Variants in PTGER3 observed in about 807,000 individuals in gnomAD.
PTGER3 encodes prostaglandin E receptor 3, also known as prostaglandin E2 receptor EP3 subtype.
A neutral mutation model predicts 34.7 loss-of-function variants in PTGER3; 22 were observed. The ratio of observed to expected loss-of-function variants is 0.63; its 90% CI spans 0.45 to 0.91. PTGER3 has a LOEUF of 0.91. PTGER3 is among the 40% of genes least tolerant of loss of function. The pLI is 0.00. For synonymous variants in PTGER3, 241 were observed against 230.1 expected (o/e 1.05, Z -0.43); for missense variants, 468 against 519.4 (o/e 0.90, Z 0.96).
intron 1 of PTGER3, among the ~76,000 whole-genome samples, chr1:71,036,867 T>C (rs562835971): frequency 1.6e-4 from 24 of 151,896 alleles, no homozygotes; most frequent in Non-Finnish European, 7.4e-5. Flanking sequence ...GAAAGACACA[T>C]TTCTCAGGAG....
chr1:71,009,402 A>T, intron 2 of PTGER3: 1 of 980,450 alleles, frequency 1.0e-6, no homozygotes, highest in Non-Finnish European at 1.2e-6. Context: ...TTTACCTAAA[A>T]TATCTTGGGA....
intron 2 of PTGER3, among the ~76,000 whole-genome samples, chr1:70,965,307 A>G (rs1652398861): frequency 6.6e-6 from 1 of 152,210 alleles, no homozygotes; most frequent in African/African-American, 2.4e-5. Context: ...TATTAACAAA[A>G]CATAACTCTG....
intron 1 of PTGER3, among the ~76,000 whole-genome samples, chr1:71,018,262 T>G (rs1572943902): frequency 1.5e-5 from 1 of 67,224 alleles, no homozygotes; most frequent in East Asian, 3.8e-4. Context: ...CTTCTTTAAA[T>G]TTTTTTACTT....
chr1:70,892,887 C>T (rs1189193224), intron 4 of PTGER3, among the ~76,000 whole-genome samples: 1 of 150,608 alleles, frequency 6.6e-6, no homozygotes, highest in Non-Finnish European at 1.5e-5. Flanking sequence ...ACATTTCTTA[C>T]TTCACCTTCA....
At chr1:71,025,433 T>C (rs1350142968) in intron 1 of PTGER3, among the ~76,000 whole-genome samples, 1 of 152,024 alleles carries the variant, frequency 6.6e-6, no homozygotes, top group African/African-American at 2.4e-5. Flanking sequence ...AACATTTATT[T>C]AAAATATAGC....
At chr1:71,013,501 G>A (rs1037516850) in intron 1 of PTGER3, among the ~76,000 whole-genome samples, 32 of 152,104 alleles carry the variant, frequency 2.1e-4, no homozygotes, top group African/African-American at 7.5e-4. Context: ...TCAGGAGTTC[G>A]AGACCAGCCT....
chr1:70,977,452 T>C (rs3819790), intron 2 of PTGER3, among the ~76,000 whole-genome samples: 1 of 151,828 alleles, frequency 6.6e-6, no homozygotes, highest in African/African-American at 2.4e-5. Flanking sequence ...TCATTAATAG[T>C]TCTTTCTGCT....
At chr1:70,967,734 G>A (rs1200344610), downstream of PTGER3, among the ~76,000 whole-genome samples, 2 of 152,002 alleles carry the variant, frequency 1.3e-5, no homozygotes, top group African/African-American at 4.8e-5. Context: ...CAATTACAAA[G>A]GATGTTGAAA....
chr1:71,047,736 C>T lies in PTGER3; in HGVS notation c.-159G>A. The stretch of plus-strand genomic sequence containing the variant: ...CCGCCGCCCTACTCCGCTGCTGGGA[C>T]CGCGGCCGCGGCGGCGCCAGGGCTC... On this transcript the variant is annotated 5_prime_UTR_variant, in exon 1 of 4. Transcript: ENST00000306666. 1 of 704,866 alleles carries T rather than the reference C, an allele frequency of 1.4e-6. No homozygotes were observed. Among genetic ancestry groups the T allele is most frequent in the Non-Finnish European group, 2.0e-6 (1 of 508,108 alleles). 43.7% of individuals were successfully genotyped at this position (704,866 alleles called of 1,614,324 possible).
At chr1:70,902,899 C>T (rs1272163786) in intron 4 of PTGER3, among the ~76,000 whole-genome samples, 1 of 152,180 alleles carries the variant, frequency 6.6e-6, no homozygotes, top group Non-Finnish European at 1.5e-5. Flanking sequence ...GGGTTGAATG[C>T]TGGCCCCCCA....
intron 4 of PTGER3, among the ~76,000 whole-genome samples, chr1:70,866,680 G>A (rs1486279912): frequency 2.0e-5 from 3 of 152,138 alleles, no homozygotes; most frequent in Admixed American, 6.5e-5. Context: ...GGAATTAGAT[G>A]GTGCCTTGAT....
chr1:70,972,197 C>T (rs992275375), intron 3 of PTGER3, among the ~76,000 whole-genome samples: 3 of 152,030 alleles, frequency 2.0e-5, no homozygotes, highest in Non-Finnish European at 2.9e-5. Flanking sequence ...GTGGTGTGCA[C>T]CTGTAGTCCC....
At chr1:70,992,404 C>G (rs1440779030) in intron 2 of PTGER3, among the ~76,000 whole-genome samples, 1 of 152,174 alleles carries the variant, frequency 6.6e-6, no homozygotes, top group Non-Finnish European at 1.5e-5. Context: ...TAATTAAAAG[C>G]CTGATATACA....
chr1:70,999,048 C>T (rs913339053), intron 2 of PTGER3, among the ~76,000 whole-genome samples: 42 of 152,036 alleles, frequency 2.8e-4, no homozygotes, highest in African/African-American at 9.4e-4. Context: ...GGCGTGGTGG[C>T]GGGCGCCTGT....
intron 4 of PTGER3, among the ~76,000 whole-genome samples, chr1:70,910,994 C>A (rs182671050): frequency 6.6e-6 from 1 of 151,746 alleles, no homozygotes; most frequent in South Asian, 2.1e-4. Flanking sequence ...GGAGGAGAAT[C>A]GCTTGAACCC....
intron 4 of PTGER3, among the ~76,000 whole-genome samples, chr1:70,893,890 C>A (rs987817331): frequency 2.5e-4 from 38 of 152,042 alleles, no homozygotes; most frequent in Non-Finnish European, 4.3e-4. Context: ...TTTCTTAAAT[C>A]CAACAATATT....
intron 1 of PTGER3, among the ~76,000 whole-genome samples, chr1:71,023,949 G>A (rs755076855): frequency 6.6e-6 from 1 of 151,614 alleles, no homozygotes; most frequent in Non-Finnish European, 1.5e-5. Context: ...CCTCCATCTG[G>A]CCTGGCCCAT....
At chr1:70,910,684 T>C (rs1041549899) in intron 4 of PTGER3, among the ~76,000 whole-genome samples, 5 of 150,436 alleles carry the variant, frequency 3.3e-5, no homozygotes, top group African/African-American at 1.2e-4. Context: ...AACCATCCTT[T>C]CTGCTGAAGA....
Position 71,001,803 on chromosome 1 carries a change from T to C in PTGER3, c.1077+10502A>G, listed in dbSNP as rs143838162. Among the ~76,000 whole-genome samples the C allele has an allele frequency of 9.8e-5, 15 of 152,354 alleles. 1 individual carries two copies. The highest frequency in any genetic ancestry group is 4.1e-4 in the South Asian group (2 of 4,832). ...CTGTCTGTGACAAGAACCAGCTTTC[T>C]AACGTCACTTGTGTGTTCTGGTGAA... On this transcript the variant is annotated intron_variant, in intron 2 of 3. Coordinates refer to ENST00000306666, the MANE Select transcript of PTGER3 (RefSeq NM_198719.2).
Sources: gnomAD v4.1 joint callset for allele counts (sites outside exome capture counted in the v4.1 genomes callset) on GRCh38, gnomAD v4.1.1 for gene constraint, MANE v1.5 for transcripts, NCBI Gene and HGNC (gene_info 2026-07-23, HGNC 2026-07-21) for gene names.